Variants in GPC6 observed in about 807,000 individuals in gnomAD.
The protein encoded by GPC6 is glypican 6.
A neutral mutation model predicts 55.2 loss-of-function variants in GPC6; 14 were observed. That is an observed-to-expected ratio of 0.25 (90% CI 0.17 to 0.40). The LOEUF (loss-of-function observed/expected upper bound fraction) is 0.40. GPC6 is among the 10% of genes least tolerant of loss of function. The probability of loss-of-function intolerance (pLI) is 1.00; values close to 1 mark genes in which losing one functional copy is unlikely to be tolerated. For missense variants in GPC6, 641 were observed against 708.5 expected (o/e 0.90, Z 1.08); for synonymous variants, 278 against 259.6 (o/e 1.07, Z -0.68).
At chr13:93,331,092 T>C (rs1879827217) in intron 1 of GPC6, among the ~76,000 whole-genome samples, 1 of 152,140 alleles carries the variant, frequency 6.6e-6, no homozygotes, top group South Asian at 2.1e-4. Context: ...GGATTGGATT[T>C]TTTGGCTTTG....
chr13:93,393,403 G>A (rs1875723847), intron 1 of GPC6, among the ~76,000 whole-genome samples: 1 of 151,996 alleles, frequency 6.6e-6, no homozygotes, highest in South Asian at 2.1e-4. Context: ...CTCGGCCGCA[G>A]AAAGTGATGG....
chr13:94,057,501 A>T (rs1884171787), intron 4 of GPC6, among the ~76,000 whole-genome samples: 1 of 152,200 alleles, frequency 6.6e-6, no homozygotes, highest in Non-Finnish European at 1.5e-5. Context: ...AATGGTAAGT[A>T]GCATAAGGTG....
At chr13:94,387,903 G>T (rs568508868) in intron 7 of GPC6, among the ~76,000 whole-genome samples, 47 of 152,264 alleles carry the variant, frequency 3.1e-4, no homozygotes, top group African/African-American at 1.1e-3. Context: ...TGTTTAAACT[G>T]CCCAGTCTGT....
chr13:93,733,525 A>G (rs1337380501), intron 2 of GPC6, among the ~76,000 whole-genome samples: 1 of 150,664 alleles, frequency 6.6e-6, no homozygotes, highest in African/African-American at 2.4e-5. Flanking sequence ...ATATATAAAT[A>G]TATAAAATAT....
chr13:93,455,407 A>G (rs1202958110), intron 1 of GPC6, among the ~76,000 whole-genome samples: 1 of 152,066 alleles, frequency 6.6e-6, no homozygotes, highest in African/African-American at 2.4e-5. Context: ...GTTTTGATCA[A>G]CTAACAAATC....
chr13:94,246,126 C>A (rs1005334606), intron 4 of GPC6, among the ~76,000 whole-genome samples: 1 of 151,982 alleles, frequency 6.6e-6, no homozygotes, highest in African/African-American at 2.4e-5. Flanking sequence ...TCTTGTGTAT[C>A]TTTTTATGTG....
intron 1 of GPC6, among the ~76,000 whole-genome samples, chr13:93,270,252 TA>T (rs5805797): frequency 9.4e-4 from 133 of 141,642 alleles, no homozygotes; most frequent in Non-Finnish European, 1.0e-3. Flanking sequence ...CTTTTCTCCT[TA>T]AAAAAAAAAA....
intron 1 of GPC6, among the ~76,000 whole-genome samples, chr13:93,380,615 T>C (rs928211841): frequency 6.6e-6 from 1 of 152,144 alleles, no homozygotes; most frequent in Non-Finnish European, 1.5e-5. Context: ...GGGTTGAGTA[T>C]CTAGAGATGA....
chr13:94,046,720 C>A (rs116772447), intron 4 of GPC6, among the ~76,000 whole-genome samples: 1 of 151,916 alleles, frequency 6.6e-6, no homozygotes. Context: ...TGTTTTCCTG[C>A]GTTTGTGTGT....
At chr13:93,228,958 A>AG (rs1008895796) in intron 1 of GPC6, among the ~76,000 whole-genome samples, 3 of 152,180 alleles carry the variant, frequency 2.0e-5, no homozygotes, top group Non-Finnish European at 4.4e-5. Context: ...GCATTGGCAA[A>AG]GGGGGAAAAA....
intron 1 of GPC6, among the ~76,000 whole-genome samples, chr13:93,531,847 G>A (rs1174867189): frequency 6.6e-6 from 1 of 152,022 alleles, no homozygotes; most frequent in East Asian, 1.9e-4. Context: ...AACTTCTCAA[G>A]CCCTAGAATA....
chr13:93,573,774 T>C (rs1444878534), intron 2 of GPC6, among the ~76,000 whole-genome samples: 6 of 152,214 alleles, frequency 3.9e-5, no homozygotes, highest in Admixed American at 2.6e-4. Context: ...CACCCACATA[T>C]ACCAATTAAT....
At chr13:93,317,369 C>T (rs7338914) in intron 1 of GPC6, among the ~76,000 whole-genome samples, 2 of 151,750 alleles carry the variant, frequency 1.3e-5, no homozygotes, top group African/African-American at 4.8e-5. Context: ...AGAGATTTGA[C>T]GAAAGCTCTG....
At chr13:93,702,964 T>G (rs1298716881) in intron 2 of GPC6, among the ~76,000 whole-genome samples, 1 of 152,028 alleles carries the variant, frequency 6.6e-6, no homozygotes, top group Admixed American at 6.6e-5. Flanking sequence ...CATTCGTGTC[T>G]TTATTGGAGT....
chr13:94,046,637 T>C (rs1883741932), intron 4 of GPC6, among the ~76,000 whole-genome samples: 1 of 152,156 alleles, frequency 6.6e-6, no homozygotes, highest in Non-Finnish European at 1.5e-5. Flanking sequence ...TCTTATAACA[T>C]GAAATTATTA....
chr13:94,022,422 C>CT (rs945877867), intron 3 of GPC6, among the ~76,000 whole-genome samples: 7 of 151,924 alleles, frequency 4.6e-5, no homozygotes, highest in Admixed American at 2.0e-4. Context: ...GCAGGAACTC[C>CT]TTTTTTTAAG....
chr13:93,898,258 G>T (rs1876125937), intron 3 of GPC6, among the ~76,000 whole-genome samples: 1 of 152,092 alleles, frequency 6.6e-6, no homozygotes, highest in Non-Finnish European at 1.5e-5. Context: ...TCACCGTATT[G>T]ACACCATAAT....
At chr13:93,624,991 G>A (rs1346677545) in intron 2 of GPC6, among the ~76,000 whole-genome samples, 1 of 152,122 alleles carries the variant, frequency 6.6e-6, no homozygotes, top group Admixed American at 6.5e-5. Flanking sequence ...TGTTTTCTAT[G>A]ACATTATTTG....
intron 1 of GPC6, among the ~76,000 whole-genome samples, chr13:93,525,801 A>G (rs551767296): frequency 3.9e-5 from 6 of 152,218 alleles, no homozygotes; most frequent in African/African-American, 1.4e-4. Flanking sequence ...TAGGCATTCA[A>G]TATATGACTG....
Sources: allele counts gnomAD v4.1 joint callset (sites outside exome capture counted in the v4.1 genomes callset), GRCh38; gene constraint gnomAD v4.1.1; transcripts MANE v1.5; gene names NCBI Gene and HGNC (gene_info 2026-07-23, HGNC 2026-07-21).